The following KCNC3 variants were observed in gnomAD, a reference collection of about 807,000 sequenced individuals.
KCNC3 encodes voltage-gated potassium channel KCNC3.
Under a neutral mutation model 43.9 loss-of-function variants are expected in KCNC3, and 22 were observed. The ratio of observed to expected loss-of-function variants is 0.50; its 90% CI spans 0.36 to 0.72. The LOEUF is 0.72. Among genes scored for constraint, KCNC3 ranks in the 30% least tolerant of loss-of-function variants. The pLI is 0.00. For missense variants in KCNC3, 829 were observed against 1,073.8 expected, an observed-to-expected ratio of 0.77 and a Z score of 3.19; for synonymous variants, 492 against 488.0, an observed-to-expected ratio of 1.01 and a Z score of -0.11.
At chr19:50,327,577 C>T (rs940968665) in intron 1 of KCNC3, among the ~76,000 whole-genome samples, 8 of 151,944 alleles carry the variant, frequency 5.3e-5, no homozygotes, top group African/African-American at 1.9e-4. Context: ...AAAAAATAAT[C>T]AGAAGATTCA....
intron 1 of KCNC3, among the ~76,000 whole-genome samples, chr19:50,326,151 G>A (rs1270174118): frequency 6.6e-6 from 1 of 152,206 alleles, no homozygotes; most frequent in Admixed American, 6.5e-5. Flanking sequence ...ATATCACTGG[G>A]AGGCTGGAAA....
chr19:50,329,007 G>T lies in KCNC3; in HGVS notation c.76C>A (p.Gln26Lys). 7.8e-7 allele frequency: 1 copy of T among 1,278,794 alleles called. No homozygotes were observed. Among genetic ancestry groups the T allele is most frequent in the Non-Finnish European group, 1.0e-6 (1 of 998,960 alleles). 79.2% of individuals were successfully genotyped at this position (1,278,794 alleles called of 1,614,324 possible). The change falls in exon 1 of 5, where the codon CAG becomes AAG. Residue 26 changes from glutamine (Q) to lysine (K), a missense_variant. Around this residue, in one of 7 missense-constraint regions of KCNC3, gnomAD observed 129 missense variants for 83.6 expected, o/e 1.54. Transcript: ENST00000477616. ...GGCGGCGGCGGGGACTCGGGCGGCT[G>T]CGGCGGTGGCGCCGGCTGCTGCTTG... ...ASKQQPAPPP[Q>K]PPESPPPPPL...
rs2036912654 is a variant in KCNC3 at position 50,314,060 on chromosome 19, T to C, written c.*2055A>G. On this transcript the variant is annotated 3_prime_UTR_variant, in exon 5 of 5. Transcript: ENST00000477616. ...TAGGGCCAGATCATCCCAGGAATTC[T>C]GGGATAGGAGGTCTGAGTCCATGCA... 6.6e-6 allele frequency: 1 copy of C among 152,172 alleles called. No individual in the cohort carries two copies. The allele number at this position is 152,172 out of a possible 1,614,324, so 9.4% of individuals were successfully genotyped here. A position where few individuals can be genotyped will look rare whatever the true frequency, so the allele number is the denominator to read the frequency against.
rs999459418 is a variant in KCNC3 at position 50,313,650 on chromosome 19, C to T, written c.*2465G>A. 1.3e-5 allele frequency: 2 copies of T among 152,218 alleles called. No individual in the cohort carries two copies. Among genetic ancestry groups the T allele is most frequent in the African/African-American group, 4.8e-5 (2 of 41,432 alleles). The allele number at this position is 152,218 out of a possible 1,614,324, so 9.4% of individuals were successfully genotyped here. A position where few individuals can be genotyped will look rare whatever the true frequency, so the allele number is the denominator to read the frequency against. On this transcript the variant is annotated 3_prime_UTR_variant, in exon 5 of 5. Coordinates refer to ENST00000477616, the MANE Select transcript of KCNC3 (RefSeq NM_004977.3). ...GTTGCGCCTATCTTGGAAGTTCTAG[C>T]ATCAAGGGAACCTGGGCTGGACAAG... is the stretch of plus-strand genomic sequence containing the variant.
rs1256051209 is a variant in KCNC3, at chr19:50,320,598, C to T, written c.2165G>A (p.Arg722Gln). ...DYAPSPDGSI[R>Q]KATGAPPLPP... ...CAGTAGGGGGGGCACCTCACCTTTT[C>T]GGATGGAGCCATCAGGGGAAGGGGC... Residue 722 changes from arginine to glutamine, a missense_variant, in exon 3 of 5, where the codon CGA becomes CAA. Physicochemically the swap from Arg to Gln is conservative, Grantham distance 43. Coordinates refer to ENST00000477616, the MANE Select transcript of KCNC3 (RefSeq NM_004977.3). 6.8e-6 allele frequency: 11 copies of T among 1,611,254 alleles called. No homozygotes were observed. The highest frequency in any genetic ancestry group is 1.3e-5 in the African/African-American group (1 of 74,772).
intron 2 of KCNC3, among the ~76,000 whole-genome samples, chr19:50,322,656 T>G (rs1185417040): frequency 6.6e-6 from 1 of 152,102 alleles, no homozygotes; most frequent in Non-Finnish European, 1.5e-5. Context: ...GTGATTCCTG[T>G]GAGACCCTCT....
chr19:50,330,606 G>A (rs2037176410), upstream of KCNC3, among the ~76,000 whole-genome samples: 1 of 152,168 alleles, frequency 6.6e-6, no homozygotes, highest in Non-Finnish European at 1.5e-5. Context: ...CTGCAGATTG[G>A]AGGACCGAGG....
chr19:50,332,708 G>C (rs761682923), upstream of KCNC3, among the ~76,000 whole-genome samples: 1 of 152,084 alleles, frequency 6.6e-6, no homozygotes, highest in Admixed American at 6.5e-5. The surrounding 1 kb of genome is among the most constrained non-coding windows in gnomAD (Gnocchi z 5.8). Flanking sequence ...CACCAGGAGG[G>C]GAGAGGCCAA....
rs569903679 is a variant in KCNC3 at position 50,325,692 on chromosome 19, T to C, written c.871-1610A>G. On this transcript the variant is annotated intron_variant, in intron 1 of 4. Coordinates refer to ENST00000477616, the MANE Select transcript of KCNC3 (RefSeq NM_004977.3). Reference sequence around the variant, plus strand: ...CCCCTCCGAGCCGGGCGCGCGGCGCTAGCTGCGGCACCGCAGTGGGGGCGG... The same window carrying C: ...CCCCTCCGAGCCGGGCGCGCGGCGCCAGCTGCGGCACCGCAGTGGGGGCGG... Among the ~76,000 whole-genome samples, 198 of 152,006 alleles carry C rather than the reference T, an allele frequency of 1.3e-3. 1 individual carries two copies. Among genetic ancestry groups the C allele is most frequent in the Non-Finnish European group, 1.5e-3 (100 of 67,930 alleles).
Position 50,329,173 on chromosome 19 carries a change from T to C in KCNC3, c.-91A>G, listed in dbSNP as rs1601103571. The C allele has an allele frequency of 1.4e-5, 3 of 208,822 alleles. No homozygotes were observed. The highest frequency in any genetic ancestry group is 3.8e-5 in the African/African-American group (1 of 26,054). The allele number at this position is 208,822 out of a possible 1,614,324, so 12.9% of individuals were successfully genotyped here. ...GGATTGGGTGGGAGGAGGAGCGAGG[T>C]AGCGGGGGCGTGGCTTAGGGGAGAG... is the stretch of plus-strand genomic sequence containing the variant. On this transcript the variant is annotated 5_prime_UTR_variant, in exon 1 of 5. Coordinates refer to ENST00000477616, the MANE Select transcript of KCNC3 (RefSeq NM_004977.3).
Position 50,315,265 on chromosome 19 carries a change from G to T in KCNC3, c.*850C>A, listed in dbSNP as rs908066038. The stretch of plus-strand genomic sequence containing the variant: ...ACAAATCGGGGAGTCAGTCAACATC[G>T]ATGAGAAAGGGGGAGACATCGGGGA... On this transcript the variant is annotated 3_prime_UTR_variant, in exon 5 of 5. Transcript: ENST00000477616. Among the ~76,000 whole-genome samples, 64 of 151,704 alleles carry T rather than the reference G, an allele frequency of 4.2e-4. No individual in the cohort carries two copies. Among genetic ancestry groups the T allele is most frequent in the South Asian group, 2.1e-4 (1 of 4,788 alleles).
At chr19:50,325,839 C>T (rs1211393110) in intron 1 of KCNC3, among the ~76,000 whole-genome samples, 3 of 152,112 alleles carry the variant, frequency 2.0e-5, no homozygotes, top group South Asian at 2.1e-4. Flanking sequence ...GCCTATTCAA[C>T]GCGCAGCCGC....
chr19:50,323,129 A>G lies in KCNC3; in HGVS notation c.1824T>C (p.Thr608=). The G allele has an allele frequency of 6.5e-7, 1 of 1,535,814 alleles. No homozygotes were observed. Among genetic ancestry groups the G allele is most frequent in the South Asian group, 1.2e-5 (1 of 83,764 alleles). Residue 608 remains threonine, a synonymous_variant, in exon 2 of 5, where the codon ACT becomes ACC. Coordinates refer to ENST00000477616, the MANE Select transcript of KCNC3 (RefSeq NM_004977.3). ...PPITPPSMGV[T]VAGAYPAGPH... ...GCCCCGCTGGGTAGGCCCCGGCCACAGTCACCCCCATGGAGGGTGGGGTGA... is the reference window on the plus strand; with the variant it reads ...GCCCCGCTGGGTAGGCCCCGGCCACGGTCACCCCCATGGAGGGTGGGGTGA...
At chr19:50,316,872 C>T (rs906121284) in intron 4 of KCNC3, among the ~76,000 whole-genome samples, 107 of 151,728 alleles carry the variant, frequency 7.1e-4, no homozygotes, top group African/African-American at 2.5e-3. Context: ...AAGGAAAAGG[C>T]TTGGGGAGGG....
chr19:50,327,094 G>A (rs887779283), intron 1 of KCNC3, among the ~76,000 whole-genome samples: 1 of 151,808 alleles, frequency 6.6e-6, no homozygotes, highest in Non-Finnish European at 1.5e-5. Context: ...ACTTAGACTA[G>A]GAAACGGGCT....
chr19:50,314,648 C>A lies in KCNC3; in HGVS notation c.*1467G>T. 2.9e-6 allele frequency: 1 copy of A among 339,854 alleles called. No individual in the cohort carries two copies. The highest frequency in any genetic ancestry group is 2.1e-5 in the South Asian group (1 of 46,892). 21.1% of individuals were successfully genotyped at this position (339,854 alleles called of 1,614,324 possible). The stretch of plus-strand genomic sequence containing the variant: ...TTTGGGGAGGGAAGAGTTGGGGGGA[C>A]GGGCTGTGGCCCCTCTCTCCATCCT... On this transcript the variant is annotated 3_prime_UTR_variant, in exon 5 of 5. Coordinates refer to ENST00000477616, the MANE Select transcript of KCNC3 (RefSeq NM_004977.3).
intron 3 of KCNC3, 81 bp downstream of exon 3, chr19:50,320,512 C>A: frequency 7.3e-7 from 1 of 1,369,446 alleles, no homozygotes. Flanking sequence ...ACCGCCTCCT[C>A]CCCCATCCCC....
chr19:50,332,903 G>A (rs77224050), upstream of KCNC3, among the ~76,000 whole-genome samples: 282 of 152,100 alleles, frequency 1.9e-3, 1 homozygote, highest in African/African-American at 6.6e-3. The surrounding 1 kb of genome is among the most constrained non-coding windows in gnomAD (Gnocchi z 5.8). Flanking sequence ...TTCCCTCCCT[G>A]ACTTCTACGA....
rs1568574027 is a variant in KCNC3 at position 50,328,967 on chromosome 19, T to TGCG, written c.113_115dup (p.Pro38dup). 2.1e-6 allele frequency: 2 copies of TGCG among 970,816 alleles called. No homozygotes were observed. Among genetic ancestry groups the TGCG allele is most frequent in the Non-Finnish European group, 2.6e-6 (2 of 775,004 alleles). The allele number at this position is 970,816 out of a possible 1,614,324, so 60.1% of individuals were successfully genotyped here. The stretch of plus-strand genomic sequence containing the variant: ...GCCGGGCTGCGCAGGCTGCTGCTGC[T>TGCG]GCGGCGGCAGCGGTGGCGGCGGCGG... On this transcript the variant is annotated inframe_insertion, in exon 1 of 5. Transcript: ENST00000477616.
Sources: gnomAD v4.1 joint callset for allele counts (sites outside exome capture counted in the v4.1 genomes callset) on GRCh38, gnomAD v4.1.1 for gene constraint, gnomAD v4.1.1 regional missense constraint, Gnocchi (gnomAD v3.1) non-coding constraint, MANE v1.5 for transcripts, NCBI Gene and HGNC (gene_info 2026-07-23, HGNC 2026-07-21) for gene names.